Variants in FRK observed in about 807,000 individuals in gnomAD.
FRK encodes fyn related Src family tyrosine kinase.
A neutral mutation model predicts 56.4 loss-of-function variants in FRK; 51 were observed. The ratio of observed to expected loss-of-function variants is 0.90; its 90% CI spans 0.72 to 1.14. FRK has a LOEUF of 1.14. Ranked by LOEUF, FRK falls within the 50% of genes most tolerant of loss-of-function variation. The pLI is 0.00. For synonymous variants in FRK, 245 were observed against 217.9 expected, an observed-to-expected ratio of 1.12 and a Z score of -1.10; for missense variants, 570 against 601.4, an observed-to-expected ratio of 0.95 and a Z score of 0.55.
intron 5 of FRK, among the ~76,000 whole-genome samples, chr6:115,947,237 T>A (rs1448157639): frequency 2.6e-5 from 4 of 152,146 alleles, no homozygotes; most frequent in African/African-American, 9.7e-5. Context: ...TATAATTATG[T>A]GTTTTCTATA....
intron 1 of FRK, among the ~76,000 whole-genome samples, chr6:116,015,791 T>C (rs562349361): frequency 2.0e-5 from 3 of 152,256 alleles, no homozygotes; most frequent in South Asian, 4.1e-4. Flanking sequence ...ATCTGTGGAA[T>C]TGTGAACTTG....
chr6:116,034,174 A>G (rs979303255), intron 1 of FRK, among the ~76,000 whole-genome samples: 1 of 152,130 alleles, frequency 6.6e-6, no homozygotes, highest in African/African-American at 2.4e-5. Context: ...GGAATAAGTT[A>G]TAATGTTTAA....
Position 115,967,682 on chromosome 6 carries a change from G to A in FRK, c.668C>T (p.Thr223Ile), listed in dbSNP as rs748817352. 3 of 1,611,338 alleles carry A rather than the reference G, an allele frequency of 1.9e-6. No individual in the cohort carries two copies. Among genetic ancestry groups the A allele is most frequent in the South Asian group, 1.1e-5 (1 of 90,874 alleles). The change falls in exon 4 of 8, where the codon ACC becomes ATC. Residue 223 changes from threonine (T) to isoleucine (I), a missense_variant. By Grantham distance (89) the Thr-to-Ile change is moderately conservative. Transcript: ENST00000606080. ...GCGGTCTATCTCCCATTGGTCCACG[G>A]TTTTATACGACAAATCAAATGGAGC... ...VPAPFDLSYK[T>I]VDQWEIDRNS...
Position 115,950,511 on chromosome 6 carries a change from G to C in FRK, c.958+5941C>G, listed in dbSNP as rs542383838. 8.3e-4 allele frequency among the ~76,000 whole-genome samples: 126 copies of C among 152,272 alleles called. 1 individual carries two copies. The highest frequency in any genetic ancestry group is 2.9e-3 in the African/African-American group (122 of 41,560). ...TTAGAATGGGATCATTAAAAAGTCAGGAAACAACAGATGCTGGAGAGGATG... is the reference window on the plus strand; with the variant it reads ...TTAGAATGGGATCATTAAAAAGTCACGAAACAACAGATGCTGGAGAGGATG... On this transcript the variant is annotated intron_variant, in intron 5 of 7. Transcript: ENST00000606080.
chr6:116,000,374 C>T (rs1338018376), intron 2 of FRK, among the ~76,000 whole-genome samples: 1 of 151,582 alleles, frequency 6.6e-6, no homozygotes, highest in East Asian at 1.9e-4. Flanking sequence ...TCCCTAGTAG[C>T]TGGAATTACA....
chr6:116,031,935 AC>A (rs1776317074), intron 1 of FRK, among the ~76,000 whole-genome samples: 1 of 152,144 alleles, frequency 6.6e-6, no homozygotes, highest in Non-Finnish European at 1.5e-5. Flanking sequence ...TCCCAGACTT[AC>A]AATTATTTCT....
chr6:115,992,066 T>C (rs1774635379), intron 2 of FRK, among the ~76,000 whole-genome samples: 1 of 151,752 alleles, frequency 6.6e-6, no homozygotes, highest in African/African-American at 2.4e-5. Context: ...TCTCTTTTTG[T>C]TTCTTTCTTT....
intron 2 of FRK, among the ~76,000 whole-genome samples, chr6:115,985,803 C>A (rs974417600): frequency 6.6e-6 from 1 of 151,626 alleles, no homozygotes; most frequent in African/African-American, 2.4e-5. Flanking sequence ...CTGAGGCTCA[C>A]GCAGTGGATG....
At chr6:116,083,204 G>A in the FRK span, among the ~76,000 whole-genome samples, 78 of 152,244 alleles carry the variant, frequency 5.1e-4, 1 homozygote, top group African/African-American at 1.8e-3. Flanking sequence ...AATAAATAAC[G>A]TCAGTGACTC....
Position 115,942,065 on chromosome 6 carries a change from T to C in FRK, c.*349A>G. 1 of 235,190 alleles carries C rather than the reference T, an allele frequency of 4.3e-6. No homozygotes were observed. Among genetic ancestry groups the C allele is most frequent in the Non-Finnish European group, 8.5e-6 (1 of 117,450 alleles). 14.6% of individuals were successfully genotyped at this position (235,190 alleles called of 1,614,324 possible). ...CTCTAATCAGTAAACAGGAAAATGCTACAACAGTCACTGAGTAAAAATTGG... is the reference window on the plus strand; with the variant it reads ...CTCTAATCAGTAAACAGGAAAATGCCACAACAGTCACTGAGTAAAAATTGG... On this transcript the variant is annotated 3_prime_UTR_variant, in exon 8 of 8. Transcript: ENST00000606080.
chr6:116,083,802 T>C, the FRK span, among the ~76,000 whole-genome samples: 7 of 151,664 alleles, frequency 4.6e-5, no homozygotes, highest in African/African-American at 1.7e-4. Flanking sequence ...CTCCTGAGTA[T>C]GTGGGAGCCA....
At chr6:116,044,403 T>C (rs377732309) in intron 1 of FRK, among the ~76,000 whole-genome samples, 2 of 152,350 alleles carry the variant, frequency 1.3e-5, no homozygotes, top group East Asian at 3.9e-4. Flanking sequence ...GTCGGTTTCA[T>C]CCTTCGGATG....
At chr6:116,082,855 A>G in the FRK span, among the ~76,000 whole-genome samples, 1 of 152,164 alleles carries the variant, frequency 6.6e-6, no homozygotes, top group East Asian at 1.9e-4. Context: ...TTCAAAGTAT[A>G]GATATATCTT....
chr6:116,093,290 A>G, the FRK span, among the ~76,000 whole-genome samples: 2 of 152,168 alleles, frequency 1.3e-5, no homozygotes, highest in Non-Finnish European at 2.9e-5. Flanking sequence ...GTCCCCTTCA[A>G]GCTGTAGGGG....
the FRK span, among the ~76,000 whole-genome samples, chr6:116,066,183 G>A: frequency 2.6e-5 from 4 of 152,080 alleles, no homozygotes; most frequent in African/African-American, 4.8e-5. Context: ...TAATCTGTTC[G>A]GCATCACCTA....
At chr6:116,093,492 G>T in the FRK span, among the ~76,000 whole-genome samples, 1 of 152,190 alleles carries the variant, frequency 6.6e-6, no homozygotes, top group Admixed American at 6.5e-5. Context: ...GGCCTTTAAT[G>T]AAAAGAATGC....
chr6:115,979,692 C>A (rs1180790169), intron 2 of FRK, among the ~76,000 whole-genome samples: 1 of 152,112 alleles, frequency 6.6e-6, no homozygotes, highest in Non-Finnish European at 1.5e-5. Context: ...GTTGCTTATA[C>A]AGGTGTAACA....
At chr6:115,993,851 A>G (rs995593659) in intron 2 of FRK, among the ~76,000 whole-genome samples, 2 of 151,946 alleles carry the variant, frequency 1.3e-5, no homozygotes, top group African/African-American at 2.4e-5. Context: ...TTATATCACT[A>G]AGTGATATCT....
chr6:116,025,555 T>C (rs749034003), intron 1 of FRK, among the ~76,000 whole-genome samples: 9 of 152,184 alleles, frequency 5.9e-5, no homozygotes, highest in Non-Finnish European at 1.2e-4. Flanking sequence ...ACCATAAATA[T>C]GTTTTCAAAT....
Sources: allele counts gnomAD v4.1 joint callset (sites outside exome capture counted in the v4.1 genomes callset), GRCh38; gene constraint gnomAD v4.1.1; transcripts MANE v1.5; gene names NCBI Gene and HGNC (gene_info 2026-07-23, HGNC 2026-07-21).